Variants in NSD2 observed in about 807,000 individuals in gnomAD.
NSD2 encodes nuclear receptor binding SET domain protein 2, also known as histone-lysine N-methyltransferase NSD2.
A neutral mutation model predicts 139.0 loss-of-function variants in NSD2; 12 were observed. That is an observed-to-expected ratio of 0.09 (90% CI 0.06 to 0.14). The LOEUF (loss-of-function observed/expected upper bound fraction) is 0.14. Ranked by LOEUF, NSD2 falls within the 10% of genes least tolerant of loss-of-function variation. The pLI, the probability that NSD2 is intolerant of heterozygous loss-of-function variation, is 1.00. For missense variants in NSD2, 1,155 were observed against 1,745.0 expected, an observed-to-expected ratio of 0.66 and a Z score of 6.02; for synonymous variants, 669 against 648.7, an observed-to-expected ratio of 1.03 and a Z score of -0.48.
At chr4:1,876,833 T>C (rs1269874264) in intron 1 of NSD2, among the ~76,000 whole-genome samples, 1 of 152,136 alleles carries the variant, frequency 6.6e-6, no homozygotes, top group African/African-American at 2.4e-5. Flanking sequence ...TGATGTGAAT[T>C]AAATTTGTTA....
intron 7 of NSD2, among the ~76,000 whole-genome samples, chr4:1,937,548 GTGTCT>G (rs36222330): frequency 0.062 from 9,494 of 152,114 alleles, 1,010 homozygotes; most frequent in African/African-American, 0.22. Context: ...AGAAGTAATG[GTGTCT>G]TGTCTCTTCA....
At chr4:1,873,450 C>G (rs1304993497) in intron 1 of NSD2, among the ~76,000 whole-genome samples, 1 of 152,210 alleles carries the variant, frequency 6.6e-6, no homozygotes, top group African/African-American at 2.4e-5. Context: ...GCAGGTGCGA[C>G]TTGCTTTGTT....
chr4:1,879,389 T>G (rs1196703437), intron 1 of NSD2, among the ~76,000 whole-genome samples: 10 of 151,984 alleles, frequency 6.6e-5, no homozygotes, highest in Non-Finnish European at 2.9e-5. Context: ...CGGCTAATTT[T>G]TTTGTATTTT....
chr4:1,941,477 C>G (rs951064749), intron 9 of NSD2: 3 of 1,047,534 alleles, frequency 2.9e-6, no homozygotes, highest in Non-Finnish European at 2.3e-6. Flanking sequence ...CAGGGGAGCT[C>G]AGTCTCCCTG....
At chr4:1,944,471 C>T (rs1723415876) in intron 9 of NSD2, 3 of 1,065,352 alleles carry the variant, frequency 2.8e-6, no homozygotes, top group Non-Finnish European at 3.4e-6. Flanking sequence ...TACATGGAAC[C>T]ATTTTAGTCC....
rs909697136 is a variant in NSD2 at position 1,979,880 on chromosome 4, C to T, written c.*971C>T. The T allele has an allele frequency of 4.3e-5, 10 of 232,682 alleles. No homozygotes were observed. The highest frequency in any genetic ancestry group is 2.4e-4 in the East Asian group (4 of 16,552). 14.4% of individuals were successfully genotyped at this position (232,682 alleles called of 1,614,324 possible). A position where few individuals can be genotyped will look rare whatever the true frequency, so the allele number is the denominator to read the frequency against. On this transcript the variant is annotated 3_prime_UTR_variant, in exon 22 of 22. Coordinates refer to ENST00000508803, the MANE Select transcript of NSD2 (RefSeq NM_001042424.3). Reference sequence around the variant, plus strand: ...ACTTTGCAGGGCGTGAGACCGCAGTCTGCTTAGAGCACAGGAAGTGACAAC... The same window carrying T: ...ACTTTGCAGGGCGTGAGACCGCAGTTTGCTTAGAGCACAGGAAGTGACAAC...
chr4:1,973,218 A>T lies in NSD2; in HGVS notation c.3373-1645A>T, dbSNP rs1262958020. On this transcript the variant is annotated intron_variant, in intron 18 of 21. Coordinates refer to ENST00000508803, the MANE Select transcript of NSD2 (RefSeq NM_001042424.3). This position sits in a 1 kb window ranked among gnomAD's most constrained non-coding sequence, Gnocchi z 5.5. Reference sequence around the variant, plus strand: ...CTGTAAGTCAGTTAAGATAAATAAAACAGGGTCAAGACATGGCGGGCAACC... The same window carrying T: ...CTGTAAGTCAGTTAAGATAAATAAATCAGGGTCAAGACATGGCGGGCAACC... Among the ~76,000 whole-genome samples, 18 of 152,326 alleles carry T rather than the reference A, an allele frequency of 1.2e-4. No homozygotes were observed. The East Asian group carries it at 3.5e-3, about 29-fold the overall frequency.
intron 3 of NSD2, among the ~76,000 whole-genome samples, chr4:1,911,130 A>G (rs1241570345): frequency 6.6e-6 from 1 of 152,164 alleles, no homozygotes; most frequent in Non-Finnish European, 1.5e-5. Context: ...AGAGTCACAA[A>G]CTACCTGTAG....
intron 9 of NSD2, chr4:1,941,057 G>A (rs1257640150): frequency 3.8e-6 from 4 of 1,056,518 alleles, no homozygotes; most frequent in African/African-American, 1.6e-5. Context: ...CTGGAGAAAA[G>A]GCAGTAAGAA....
At chr4:1,878,610 T>G (rs1369487925) in intron 1 of NSD2, among the ~76,000 whole-genome samples, 6 of 152,122 alleles carry the variant, frequency 3.9e-5, no homozygotes, top group Non-Finnish European at 8.8e-5. Flanking sequence ...TGTCAGGCAT[T>G]CAGTGACTAT....
chr4:1,875,747 A>G (rs1299569037), intron 1 of NSD2, among the ~76,000 whole-genome samples: 1 of 150,534 alleles, frequency 6.6e-6, no homozygotes, highest in Non-Finnish European at 1.5e-5. Context: ...CTAAAAAAAA[A>G]AAATACAAAA....
intron 1 of NSD2, among the ~76,000 whole-genome samples, chr4:1,877,749 C>G (rs1347236616): frequency 1.3e-5 from 2 of 152,160 alleles, no homozygotes; most frequent in Admixed American, 1.3e-4. Flanking sequence ...CCGACTAGTG[C>G]CCTTGTTCCT....
chr4:1,876,003 C>T (rs1714230474), intron 1 of NSD2, among the ~76,000 whole-genome samples: 1 of 151,290 alleles, frequency 6.6e-6, no homozygotes, highest in Admixed American at 6.6e-5. Flanking sequence ...ATCATGAGGT[C>T]AGGAGATTGA....
intron 18 of NSD2, among the ~76,000 whole-genome samples, chr4:1,962,580 C>T (rs1412546767): frequency 6.6e-6 from 1 of 152,126 alleles, no homozygotes; most frequent in African/African-American, 2.4e-5. Context: ...TGTGGTAAAA[C>T]GTTAATACTG....
At chr4:1,978,186 C>T (rs945678965) in intron 21 of NSD2, among the ~76,000 whole-genome samples, 9 of 152,142 alleles carry the variant, frequency 5.9e-5, no homozygotes, top group South Asian at 2.1e-4. Flanking sequence ...AGATGACACA[C>T]GATAGAGAAA....
At chr4:1,872,635 A>AGAGAGAGAGAGAGAGC (rs1179623184) in intron 1 of NSD2, among the ~76,000 whole-genome samples, 23 of 120,188 alleles carry the variant, frequency 1.9e-4, no homozygotes, top group South Asian at 5.6e-4. Context: ...AGAGAGAGAG[A>AGAGAGAGAGAGAGAGC]GCGCGCAGAC....
intron 1 of NSD2, among the ~76,000 whole-genome samples, chr4:1,877,115 C>T (rs932393349): frequency 4.0e-5 from 6 of 151,062 alleles, no homozygotes; most frequent in African/African-American, 9.8e-5. Flanking sequence ...CCAGCCTGGG[C>T]GACAGGACGA....
chr4:1,901,169 G>A lies in NSD2; in HGVS notation c.515G>A (p.Ser172Asn). 3.1e-6 allele frequency: 5 copies of A among 1,613,988 alleles called. No individual in the cohort carries two copies. The highest frequency in any genetic ancestry group is 2.2e-5 in the South Asian group (2 of 91,034). The change falls in exon 2 of 22, where the codon AGC becomes AAC. Residue 172 changes from serine (S) to asparagine (N), a missense_variant. Around this residue, in one of 8 missense-constraint regions of NSD2, gnomAD observed 246 missense variants for 262.8 expected, o/e 0.94. Transcript: ENST00000508803. ...ENKARRNRKRSIKYDSLLEQG... is the reference protein window; with the variant it reads ...ENKARRNRKRNIKYDSLLEQG... ...AAGGCGAGAAGGAACAGGAAGAGGAGCATAAAATATGACTCCTTGCTGGAG... is the reference window on the plus strand; with the variant it reads ...AAGGCGAGAAGGAACAGGAAGAGGAACATAAAATATGACTCCTTGCTGGAG...
At chr4:1,944,164 G>A in intron 9 of NSD2, 1 of 1,066,226 alleles carries the variant, frequency 9.4e-7, no homozygotes, top group Non-Finnish European at 1.1e-6. Context: ...GCAGTGAGAG[G>A]GACAGTCCCA....
Sources: gnomAD v4.1 joint callset for allele counts (sites outside exome capture counted in the v4.1 genomes callset) on GRCh38, gnomAD v4.1.1 for gene constraint, gnomAD v4.1.1 regional missense constraint, Gnocchi (gnomAD v3.1) non-coding constraint, MANE v1.5 for transcripts, NCBI Gene and HGNC (gene_info 2026-07-23, HGNC 2026-07-21) for gene names.